The following FLT3 variants were observed in gnomAD, a reference collection of about 807,000 sequenced individuals.
FLT3 encodes fms related receptor tyrosine kinase 3, also known as receptor-type tyrosine-protein kinase FLT3.
In FLT3, 46 loss-of-function variants were observed where a neutral mutation model predicts 126.6. The ratio of observed to expected loss-of-function variants is 0.36; its 90% CI spans 0.29 to 0.46. The LOEUF (loss-of-function observed/expected upper bound fraction) is 0.46, where lower values mean the gene tolerates loss of function less well. FLT3 is among the 20% of genes least tolerant of loss of function. FLT3 has a pLI of 1.00. For synonymous variants in FLT3, 404 were observed against 434.4 expected (o/e 0.93, Z 0.87); for missense variants, 1,069 against 1,190.3 (o/e 0.90, Z 1.50).
At chr13:28,097,916 T>C (rs1427353301) in intron 1 of FLT3, among the ~76,000 whole-genome samples, 3 of 152,196 alleles carry the variant, frequency 2.0e-5, no homozygotes, top group Admixed American at 2.0e-4. Flanking sequence ...AATACTTCTC[T>C]CTGTCCAGTA....
chr13:28,025,049 CTT>C, intron 17 of FLT3, 106 bp from the exon 18 acceptor site: 2 of 712,316 alleles, frequency 2.8e-6, no homozygotes, highest in South Asian at 3.5e-5. Context: ...TATAAATTGA[CTT>C]TTAAATTAAA....
chr13:28,026,913 A>T (rs1872860157), intron 17 of FLT3, among the ~76,000 whole-genome samples, 175 bp downstream of exon 17: 1 of 152,226 alleles, frequency 6.6e-6, no homozygotes. Flanking sequence ...GGAAAGGGAC[A>T]GGACTCGTTC....
intron 9 of FLT3, among the ~76,000 whole-genome samples, chr13:28,038,902 GT>G (rs1450783898): frequency 6.6e-6 from 1 of 152,128 alleles, no homozygotes; most frequent in East Asian, 1.9e-4. Flanking sequence ...CCTAAACCGG[GT>G]GGATAGACAG....
chr13:28,092,199 C>T (rs1879158557), intron 1 of FLT3, among the ~76,000 whole-genome samples: 1 of 152,190 alleles, frequency 6.6e-6, no homozygotes, highest in Admixed American at 6.5e-5. Flanking sequence ...ATTTAACTCA[C>T]CTTTCTCCTC....
chr13:28,037,170 G>T lies in FLT3; in HGVS notation c.1309+15C>A. 7.1e-7 allele frequency: 1 copy of T among 1,401,976 alleles called. No homozygotes were observed. Among genetic ancestry groups the T allele is most frequent in the Non-Finnish European group, 1.0e-6 (1 of 992,192 alleles). The allele number at this position is 1,401,976 out of a possible 1,614,324, so 86.8% of individuals were successfully genotyped here. A position where few individuals can be genotyped will look rare whatever the true frequency, so the allele number is the denominator to read the frequency against. On this transcript the variant is annotated intron_variant, in intron 10 of 23. Coordinates refer to ENST00000241453, the MANE Select transcript of FLT3 (RefSeq NM_004119.3). ...ATTAAAAAATAAAAATCAAATTCTCGGCAATTTAACTTACTTCTTATATTC... is the reference window on the plus strand; with the variant it reads ...ATTAAAAAATAAAAATCAAATTCTCTGCAATTTAACTTACTTCTTATATTC...
intron 22 of FLT3, among the ~76,000 whole-genome samples, chr13:28,014,872 C>G (rs1235100341): frequency 6.6e-6 from 1 of 152,078 alleles, no homozygotes; most frequent in Non-Finnish European, 1.5e-5. Flanking sequence ...CAGAAACTCC[C>G]AAAACAAAGA....
At chr13:28,035,464 TG>T in intron 12 of FLT3, 30 bp downstream of exon 12, 1 of 1,593,738 alleles carries the variant, frequency 6.3e-7, no homozygotes, top group South Asian at 1.1e-5. Context: ...GAATTCCTGA[TG>T]GTGGAATATC....
At chr13:28,070,401 A>G in intron 2 of FLT3, 90 bp downstream of exon 2, 2 of 1,044,128 alleles carry the variant, frequency 1.9e-6, no homozygotes, top group Non-Finnish European at 1.4e-6. Context: ...CATAAAGAGA[A>G]GCCCATTTAG....
At chr13:28,048,700 T>C (rs1292920460) in intron 8 of FLT3, among the ~76,000 whole-genome samples, 1 of 152,160 alleles carries the variant, frequency 6.6e-6, no homozygotes, top group African/African-American at 2.4e-5. Context: ...ATGTAGATAA[T>C]TGACTGTCTG....
At position 28,051,164 on chromosome 13, in the gene FLT3, T is replaced by C. The variant is rs185010775; in HGVS notation, c.615-942A>G. Among the ~76,000 whole-genome samples the C allele has an allele frequency of 1.4e-4, 22 of 152,336 alleles. No individual in the cohort carries two copies. In the East Asian group the frequency reaches 4.0e-3, roughly 28 times the overall value. On this transcript the variant is annotated intron_variant, in intron 5 of 23. Coordinates refer to ENST00000241453, the MANE Select transcript of FLT3 (RefSeq NM_004119.3). Reference sequence around the variant, plus strand: ...TGGATTCTATATCTTTAAACAATCATATTAGACTGCTTTCCCAGAACAAAC... The same window carrying C: ...TGGATTCTATATCTTTAAACAATCACATTAGACTGCTTTCCCAGAACAAAC...
intron 1 of FLT3, among the ~76,000 whole-genome samples, chr13:28,088,170 T>A (rs1878802477): frequency 6.6e-6 from 1 of 152,266 alleles, no homozygotes; most frequent in Non-Finnish European, 1.5e-5. Context: ...AGCACTTTGT[T>A]CTTTCATGTC....
chr13:28,068,080 G>A (rs76725075), intron 2 of FLT3: 1,255 of 107,246 alleles, frequency 0.012, 7 homozygotes, highest in Non-Finnish European at 0.02. Context: ...AGACTGTGCC[G>A]CAATGGCACA....
In FLT3 at chr13:28,047,179, T is replaced by C. The variant is rs73154822; in HGVS notation, c.1205+1096A>G. Among the ~76,000 whole-genome samples, 1,124 of 152,298 alleles carry C rather than the reference T, an allele frequency of 7.4e-3. 6 individuals carry two copies. Among genetic ancestry groups the C allele is most frequent in the Non-Finnish European group, 0.013 (859 of 68,006 alleles). Reference sequence around the variant, plus strand: ...GAGCCAGGAATCCACATTTTAAACATTTGCTCAGATGATTCTTACACAGTT... The same window carrying C: ...GAGCCAGGAATCCACATTTTAAACACTTGCTCAGATGATTCTTACACAGTT... On this transcript the variant is annotated intron_variant, in intron 9 of 23. Transcript: ENST00000241453.
At chr13:28,031,531 T>C (rs74653167) in intron 15 of FLT3, among the ~76,000 whole-genome samples, 25,298 of 151,988 alleles carry the variant, frequency 0.17, 2,304 homozygotes, top group Admixed American at 0.23. Flanking sequence ...TGTTAAAAAA[T>C]GTCATGACAA....
intron 15 of FLT3, among the ~76,000 whole-genome samples, chr13:28,030,101 G>C (rs960832879): frequency 2.6e-5 from 4 of 152,090 alleles, no homozygotes; most frequent in Non-Finnish European, 5.9e-5. Context: ...CGATTGCCAG[G>C]TTCCATTATT....
At chr13:28,008,698 C>T (rs1000851621) in intron 23 of FLT3, among the ~76,000 whole-genome samples, 6 of 151,756 alleles carry the variant, frequency 4.0e-5, no homozygotes, top group Non-Finnish European at 7.4e-5. Context: ...AGGCTGGTCT[C>T]GAACTCCTGA....
At chr13:28,091,517 G>A (rs541001370) in intron 1 of FLT3, among the ~76,000 whole-genome samples, 11 of 151,834 alleles carry the variant, frequency 7.2e-5, no homozygotes, top group East Asian at 1.9e-4. Flanking sequence ...CACCGCGCCC[G>A]GCCCCCCATT....
chr13:28,097,744 T>C (rs1004552878), intron 1 of FLT3, among the ~76,000 whole-genome samples: 11 of 152,190 alleles, frequency 7.2e-5, no homozygotes, highest in Admixed American at 6.5e-4. Context: ...CACTTTCTCC[T>C]GAATCATTCC....
chr13:28,031,089 G>C (rs1021769464), intron 15 of FLT3, among the ~76,000 whole-genome samples: 2 of 151,964 alleles, frequency 1.3e-5, no homozygotes, highest in African/African-American at 2.4e-5. Context: ...TTAGCCGGGC[G>C]TGGTGGTGGG....
Sources: gnomAD v4.1 joint callset for allele counts (sites outside exome capture counted in the v4.1 genomes callset) on GRCh38, gnomAD v4.1.1 for gene constraint, MANE v1.5 for transcripts, NCBI Gene and HGNC (gene_info 2026-07-23, HGNC 2026-07-21) for gene names.